The following TLN2 variants were observed in gnomAD, a reference collection of about 807,000 sequenced individuals.
TLN2 encodes talin 2, also known as talin-2.
A neutral mutation model predicts 294.7 loss-of-function variants in TLN2; 118 were observed. The ratio of observed to expected loss-of-function variants is 0.40; its 90% CI spans 0.34 to 0.47. The LOEUF (loss-of-function observed/expected upper bound fraction) is 0.47, where lower values mean the gene tolerates loss of function less well. Ranked by LOEUF, TLN2 falls within the 20% of genes least tolerant of loss-of-function variation. TLN2 has a pLI of 0.84. For synonymous variants in TLN2, 1,431 were observed against 1,304.5 expected, an observed-to-expected ratio of 1.10 and a Z score of -2.09; for missense variants, 3,083 against 3,282.2, an observed-to-expected ratio of 0.94 and a Z score of 1.48.
At chr15:62,591,017 T>C (rs901680969) in intron 2 of TLN2, among the ~76,000 whole-genome samples, 3 of 152,030 alleles carry the variant, frequency 2.0e-5, no homozygotes, top group African/African-American at 7.2e-5. Context: ...AAGTTGATGA[T>C]TAAAGCTGGA....
intron 41 of TLN2, 117 bp downstream of exon 41, chr15:62,766,539 C>A: frequency 1.1e-6 from 1 of 903,250 alleles, no homozygotes; most frequent in East Asian, 2.7e-5. Flanking sequence ...GTGCCTGAGT[C>A]CAATGCTCGT....
chr15:62,491,187 T>G (rs2140407185), intron 1 of TLN2, among the ~76,000 whole-genome samples: 1 of 152,186 alleles, frequency 6.6e-6, no homozygotes, highest in East Asian at 1.9e-4. Context: ...CTGGGCATGG[T>G]GGCACATGCC....
chr15:62,784,154 A>G, intron 45 of TLN2: 1 of 471,476 alleles, frequency 2.1e-6, no homozygotes, highest in Non-Finnish European at 3.7e-6. Flanking sequence ...GTGTTCTATC[A>G]GGTCCCCTGT....
intron 1 of TLN2, among the ~76,000 whole-genome samples, chr15:62,499,233 G>A (rs2039174803): frequency 6.6e-6 from 1 of 152,144 alleles, no homozygotes; most frequent in Non-Finnish European, 1.5e-5. Context: ...AACATCACTT[G>A]AGCTCAGGAG....
Position 62,680,115 on chromosome 15 carries a change from C to T in TLN2, c.957+4794C>T, listed in dbSNP as rs117185585. On this transcript the variant is annotated intron_variant, in intron 11 of 58. Coordinates refer to ENST00000636159, the MANE Select transcript of TLN2 (RefSeq NM_015059.3). ...CCTAACATCAGATAAATTCCCTTAA[C>T]GTTTTTCTTCTTTTTCAAAATCATT... is the stretch of plus-strand genomic sequence containing the variant. 5.9e-3 allele frequency among the ~76,000 whole-genome samples: 894 copies of T among 152,230 alleles called. 38 individuals carry two copies. The South Asian group carries it at 0.092, about 16-fold the overall frequency.
At chr15:62,633,484 G>A (rs964014943) in intron 3 of TLN2, among the ~76,000 whole-genome samples, 1 of 152,100 alleles carries the variant, frequency 6.6e-6, no homozygotes, top group Admixed American at 6.6e-5. Flanking sequence ...TAAAAAATTT[G>A]TGTAGAGACA....
intron 32 of TLN2, among the ~76,000 whole-genome samples, chr15:62,743,738 C>T (rs2061464197): frequency 6.6e-6 from 1 of 152,088 alleles, no homozygotes. Flanking sequence ...GGTATCCTAC[C>T]TCTGAACACC....
At chr15:62,530,080 A>C (rs912026992) in intron 1 of TLN2, among the ~76,000 whole-genome samples, 11 of 152,114 alleles carry the variant, frequency 7.2e-5, no homozygotes, top group African/African-American at 2.4e-4. Flanking sequence ...AGTCCCAGCT[A>C]CTTGGGAGGC....
chr15:62,510,456 C>T (rs2039868334), intron 1 of TLN2, among the ~76,000 whole-genome samples: 2 of 152,172 alleles, frequency 1.3e-5, no homozygotes, highest in African/African-American at 4.8e-5. Flanking sequence ...GATGAGATGG[C>T]ATAGAAATAG....
chr15:62,725,168 G>T, intron 27 of TLN2, 64 bp downstream of exon 27: 1 of 1,535,432 alleles, frequency 6.5e-7, no homozygotes, highest in Non-Finnish European at 8.8e-7. Context: ...TAAATTGTTT[G>T]TTGTTAGGGT....
At chr15:62,398,930 A>G (rs941673638) in intron 1 of TLN2, among the ~76,000 whole-genome samples, 6 of 152,116 alleles carry the variant, frequency 3.9e-5, no homozygotes, top group East Asian at 3.9e-4. Flanking sequence ...AGCCCCTCCC[A>G]TCTCAGGCCC....
chr15:62,750,951 A>G (rs921977481), intron 34 of TLN2, among the ~76,000 whole-genome samples: 5 of 152,254 alleles, frequency 3.3e-5, no homozygotes, highest in Non-Finnish European at 4.4e-5. Context: ...TATTCATGGC[A>G]TGCATTCTCA....
intron 52 of TLN2, among the ~76,000 whole-genome samples, chr15:62,812,079 A>G (rs748221351): frequency 2.0e-5 from 3 of 151,752 alleles, no homozygotes; most frequent in Non-Finnish European, 4.4e-5. Context: ...GGAAGGTGCC[A>G]TTTCTGGCTG....
In TLN2 at chr15:62,631,575, T is replaced by TCCTTTCCTTTCCTTTC. The variant is rs200490731; in HGVS notation, c.-37+13101_-37+13102insCTTTCCTTTCCTTTCC. On this transcript the variant is annotated intron_variant, in intron 3 of 58. Coordinates refer to ENST00000636159, the MANE Select transcript of TLN2 (RefSeq NM_015059.3). ...TCCTTTCCTTTCCTTTCCTTTCCTT[T>TCCTTTCCTTTCCTTTC]CTTTCTCTCTCTTCTTTCACTCTCT... Among the ~76,000 whole-genome samples the TCCTTTCCTTTCCTTTC allele has an allele frequency of 2.1e-5, 3 of 141,848 alleles. No individual in the cohort carries two copies. The South Asian group carries it at 7.0e-4, about 33-fold the overall frequency. The allele number at this position is 141,848 out of a possible 152,430, so 93.1% of individuals were successfully genotyped here. A position where few individuals can be genotyped will look rare whatever the true frequency, so the allele number is the denominator to read the frequency against.
intron 33 of TLN2, 150 bp downstream of exon 33, chr15:62,748,594 G>A (rs1435518432): frequency 1.5e-6 from 1 of 659,766 alleles, no homozygotes; most frequent in African/African-American, 1.9e-5. Flanking sequence ...TTCCTTGGAG[G>A]CTGTTAAGGC....
chr15:62,425,464 CT>C (rs1465423932), intron 1 of TLN2, among the ~76,000 whole-genome samples: 1 of 152,174 alleles, frequency 6.6e-6, no homozygotes, highest in Non-Finnish European at 1.5e-5. Context: ...GGGGCATTGA[CT>C]TCAGTGGGAT....
chr15:62,720,712 A>G (rs1467836763), intron 25 of TLN2, among the ~76,000 whole-genome samples: 1 of 151,642 alleles, frequency 6.6e-6, no homozygotes, highest in Non-Finnish European at 1.5e-5. Context: ...CATTGTATAT[A>G]GGCCCTTTGT....
chr15:62,726,283 A>G (rs1351342980), intron 27 of TLN2, among the ~76,000 whole-genome samples: 1 of 152,186 alleles, frequency 6.6e-6, no homozygotes, highest in East Asian at 1.9e-4. Context: ...ACCAGGCTCT[A>G]TTTTTATTGG....
At chr15:62,589,983 G>C (rs576611479) in intron 2 of TLN2, among the ~76,000 whole-genome samples, 1 of 151,978 alleles carries the variant, frequency 6.6e-6, no homozygotes, top group South Asian at 2.1e-4. Context: ...GGGCCCAGAG[G>C]AGGAGCTGAG....
Sources: allele counts gnomAD v4.1 joint callset (sites outside exome capture counted in the v4.1 genomes callset), GRCh38; gene constraint gnomAD v4.1.1; transcripts MANE v1.5; gene names NCBI Gene and HGNC (gene_info 2026-07-23, HGNC 2026-07-21).